The following RTEL1 variants were observed in gnomAD, a reference collection of about 807,000 sequenced individuals.
RTEL1 encodes the protein regulator of telomere length.
RTEL1 carries 86 observed loss-of-function variants against 162.2 expected under a neutral mutation model. The observed-to-expected ratio is 0.53, with a 90% CI of 0.45 to 0.63. The LOEUF is 0.63. Ranked by LOEUF, RTEL1 falls within the 30% of genes least tolerant of loss-of-function variation. The pLI is 0.00. For missense variants in RTEL1, 1,941 were observed against 1,750.2 expected, an observed-to-expected ratio of 1.11 and a Z score of -1.95; for synonymous variants, 958 against 717.9, an observed-to-expected ratio of 1.33 and a Z score of -5.35.
rs2297432 is a variant in RTEL1 at position 63,659,310 on chromosome 20, C to T, written c.-93C>T. ...GCTCGCATCGCTTACCAGGAGTGCC[C>T]GAGACCCTAAGATGTTCGGAGTGGT... On this transcript the variant is annotated 5_prime_UTR_variant, in exon 2 of 35. An upstream open reading frame in the 5' UTR gains an earlier in-frame stop. Transcript: ENST00000360203. The T allele has an allele frequency of 0.54, 452,770 of 835,946 alleles. 128,547 individuals are homozygous for T. The highest frequency in any genetic ancestry group is 0.59 in the African/African-American group (35,238 of 60,074). 51.8% of individuals were successfully genotyped at this position (835,946 alleles called of 1,614,324 possible). A position where few individuals can be genotyped will look rare whatever the true frequency, so the allele number is the denominator to read the frequency against.
At position 63,661,544 on chromosome 20, in the gene RTEL1, G is replaced by T; in HGVS notation, c.301+48G>T. 2 of 1,563,952 alleles carry T rather than the reference G, an allele frequency of 1.3e-6. No homozygotes were observed. The highest frequency in any genetic ancestry group is 1.7e-4 in the Middle Eastern group (1 of 5,960). On this transcript the variant is annotated intron_variant, in intron 3 of 34. Coordinates refer to ENST00000360203, the MANE Select transcript of RTEL1 (RefSeq NM_001283009.2). This position sits in a 1 kb window ranked among gnomAD's most constrained non-coding sequence, Gnocchi z 5.1. ...TCCTGGCCTCCTGTGGGGATGGTTG[G>T]CAAGGGATGGCGCTGAGGGTGGGGT...
intron 6 of RTEL1, among the ~76,000 whole-genome samples, chr20:63,665,730 C>T (rs925280915): frequency 2.0e-5 from 3 of 152,250 alleles, no homozygotes; most frequent in Non-Finnish European, 1.5e-5. Context: ...GGAGAGGATG[C>T]GTAGAACCCT....
rs1332568011 is a variant in RTEL1, at chr20:63,695,940, C to A, written c.*82C>A. On this transcript the variant is annotated 3_prime_UTR_variant, in exon 35 of 35. Coordinates refer to ENST00000360203, the MANE Select transcript of RTEL1 (RefSeq NM_001283009.2). ...TCTGGTGGGCCAAGAACCCACCCAA[C>A]AGAATAGGCCAGCCCATGCCAGCCG... 3 of 1,361,910 alleles carry A rather than the reference C, an allele frequency of 2.2e-6. No individual in the cohort carries two copies. Among genetic ancestry groups the A allele is most frequent in the Admixed American group, 2.1e-5 (1 of 48,104 alleles). The allele number at this position is 1,361,910 out of a possible 1,614,324, so 84.4% of individuals were successfully genotyped here.
rs762344834 is a variant in RTEL1 at position 63,695,538 on chromosome 20, C to T, written c.3710C>T (p.Pro1237Leu). Residue 1237 changes from proline (P) to leucine (L), a missense_variant, in exon 34 of 35, where the codon CCC (proline) becomes CTC (leucine). Transcript: ENST00000360203. Reference protein sequence around the residue: ...GQQATGAPGGPLSAGCVCQGC... With the variant: ...GQQATGAPGGLLSAGCVCQGC... ...CAGGCCACGGGAGCTCCGGGCGGGC[C>T]CCTCTCAGCAGGCTGTGTGTGCCAG... The T allele has an allele frequency of 3.7e-6, 6 of 1,612,324 alleles. No individual in the cohort carries two copies. The highest frequency in any genetic ancestry group is 5.1e-6 in the Non-Finnish European group (6 of 1,179,840).
intron 7 of RTEL1, among the ~76,000 whole-genome samples, chr20:63,666,461 G>A (rs1004766973): frequency 2.0e-4 from 30 of 152,352 alleles, no homozygotes; most frequent in African/African-American, 7.0e-4. Context: ...GACAGCAGAT[G>A]TCTCCTATGT....
intron 14 of RTEL1, among the ~76,000 whole-genome samples, 195 bp from the exon 15 acceptor site, chr20:63,685,328 C>T (rs948863855): frequency 2.0e-5 from 3 of 152,152 alleles, no homozygotes; most frequent in East Asian, 1.9e-4. Context: ...CAGAGCTCAC[C>T]GGGGGTCCCT....
chr20:63,685,729 G>A, intron 15 of RTEL1, 62 bp from the exon 16 acceptor site: 1 of 1,588,754 alleles, frequency 6.3e-7, no homozygotes, highest in Non-Finnish European at 8.6e-7. Flanking sequence ...GGTCCTAAAA[G>A]GTAAGGGGCT....
intron 2 of RTEL1, among the ~76,000 whole-genome samples, chr20:63,660,220 A>G (rs1405921731): frequency 6.6e-6 from 1 of 152,222 alleles, no homozygotes; most frequent in Admixed American, 6.5e-5. Context: ...CTCGACTGCA[A>G]GAGGCTTTCC....
Position 63,661,126 on chromosome 20 carries a change from G to C in RTEL1, c.103-172G>C, listed in dbSNP as rs1199233254. On this transcript the variant is annotated intron_variant, in intron 2 of 34. Transcript: ENST00000360203. The surrounding 1 kb of genome is among the most constrained non-coding windows in gnomAD (Gnocchi z 5.1). ...TTGCTTCACGCCCTTTAGGGCAAGA[G>C]TGGGACTTGCCTGTGGACTTCTCCG... Among the ~76,000 whole-genome samples, 1 of 152,274 alleles carries C rather than the reference G, an allele frequency of 6.6e-6. No individual in the cohort carries two copies. Among genetic ancestry groups the C allele is most frequent in the African/African-American group, 2.4e-5 (1 of 41,476 alleles).
chr20:63,695,299 C>G (rs568983942), intron 33 of RTEL1, 29 bp from the exon 34 acceptor site: 39 of 1,582,494 alleles, frequency 2.5e-5, no homozygotes, highest in Non-Finnish European at 3.2e-5. Flanking sequence ...AGCCCCAGGC[C>G]CCCCTCAGAC....
chr20:63,680,545 A>G (rs1486631299), intron 13 of RTEL1, 119 bp from the exon 14 acceptor site: 23 of 1,076,250 alleles, frequency 2.1e-5, no homozygotes, highest in African/African-American at 4.7e-5. Flanking sequence ...TGGGCCCCCC[A>G]TTGGGCAGGA....
chr20:63,660,464 T>C (rs2089996956), intron 2 of RTEL1, among the ~76,000 whole-genome samples: 1 of 152,196 alleles, frequency 6.6e-6, no homozygotes, highest in South Asian at 2.1e-4. Context: ...GTAAACATAT[T>C]GTTAACAAGG....
chr20:63,696,210 G>A lies in RTEL1; in HGVS notation c.*352G>A, dbSNP rs2090977304. ...GGCACGTGTCCACTTTTAATCAGGG[G>A]ACAGGGCTCTCTAATAAAGCTGCTG... is the stretch of plus-strand genomic sequence containing the variant. On this transcript the variant is annotated 3_prime_UTR_variant, in exon 35 of 35. Transcript: ENST00000360203. 5.1e-6 allele frequency: 2 copies of A among 388,670 alleles called. No homozygotes were observed. Among genetic ancestry groups the A allele is most frequent in the Non-Finnish European group, 9.4e-6 (2 of 213,612 alleles). The allele number at this position is 388,670 out of a possible 1,614,324, so 24.1% of individuals were successfully genotyped here.
chr20:63,695,416 C>A lies in RTEL1; in HGVS notation c.3588C>A (p.Gly1196=). The A allele has an allele frequency of 6.4e-7, 1 of 1,561,744 alleles. No individual in the cohort carries two copies. ...RQRPAGTVGA[G]GEDAGPSQSS... Reference sequence around the variant, plus strand: ...GGCCAGCAGGGACTGTGGGGGCGGGCGGTGAGGATGCAGGTCCCAGCCAGT... The same window carrying A: ...GGCCAGCAGGGACTGTGGGGGCGGGAGGTGAGGATGCAGGTCCCAGCCAGT... The change falls in exon 34 of 35, where the codon GGC becomes GGA. Residue 1196 remains glycine (G), a synonymous_variant. Coordinates refer to ENST00000360203, the MANE Select transcript of RTEL1 (RefSeq NM_001283009.2).
Position 63,685,788 on chromosome 20 carries a change from C to A in RTEL1, c.1267-3C>A. ...TCCACACTCCTGGTCCTGTCCCCTC[C>A]AGGTGCACATCCATCCTGATGCTGG... On this transcript the variant is annotated splice_polypyrimidine_tract_variant and splice_region_variant and intron_variant, in intron 15 of 34. Transcript: ENST00000360203. The A allele has an allele frequency of 6.2e-7, 1 of 1,611,720 alleles. No individual in the cohort carries two copies. Among genetic ancestry groups the A allele is most frequent in the Non-Finnish European group, 8.5e-7 (1 of 1,179,536 alleles).
chr20:63,659,577 C>T, intron 2 of RTEL1, 73 bp downstream of exon 2: 1 of 1,169,168 alleles, frequency 8.6e-7, no homozygotes, highest in Non-Finnish European at 1.3e-6. Context: ...GCTTCCCTCT[C>T]CCGGCCCATT....
rs374401456 is a variant in RTEL1, at chr20:63,661,779, G to A, written c.302-71G>A. ...GTCTGCAGGGCCGAGTTAGCCGAAT[G>A]CCACCTGCCTTTGATACGTGAGAAC... On this transcript the variant is annotated intron_variant, in intron 3 of 34. Coordinates refer to ENST00000360203, the MANE Select transcript of RTEL1 (RefSeq NM_001283009.2). The surrounding 1 kb of genome is among the most constrained non-coding windows in gnomAD (Gnocchi z 5.1). 3 of 1,367,756 alleles carry A rather than the reference G, an allele frequency of 2.2e-6. No individual in the cohort carries two copies. 84.7% of individuals were successfully genotyped at this position (1,367,756 alleles called of 1,614,324 possible).
rs766857757 is a variant in RTEL1, at chr20:63,680,716, C to A, written c.1188C>A (p.Ile396=). Residue 396 remains isoleucine, a synonymous_variant, in exon 14 of 35, where the codon ATC becomes ATA. Coordinates refer to ENST00000360203, the MANE Select transcript of RTEL1 (RefSeq NM_001283009.2). Reference sequence around the variant, plus strand: ...GACTGCAGAAGCTGGCGGACATTATCCAGGTGGGGCCTGCTCCTCTGTGGC... The same window carrying A: ...GACTGCAGAAGCTGGCGGACATTATACAGGTGGGGCCTGCTCCTCTGTGGC... ...TAGLQKLADI[I]QIVFSVDPSE... 10 of 1,613,232 alleles carry A rather than the reference C, an allele frequency of 6.2e-6. No homozygotes were observed. The highest frequency in any genetic ancestry group is 8.5e-6 in the Non-Finnish European group (10 of 1,179,978).
chr20:63,692,888 T>A lies in RTEL1; in HGVS notation c.2736T>A (p.Phe912Leu). The A allele has an allele frequency of 6.2e-7, 1 of 1,612,634 alleles. No individual in the cohort carries two copies. Among genetic ancestry groups the A allele is most frequent in the Non-Finnish European group, 8.5e-7 (1 of 1,179,864 alleles). ...AVKQELSQAN[F>L]ATFTQALQDY... is the part of the protein sequence containing the mutation. ...AGCAGGAGTTGAGCCAAGCCAACTT[T>A]GCCACCTTCACCCAGGCCCTGCAGG... is the stretch of plus-strand genomic sequence containing the variant. Residue 912 changes from phenylalanine (F) to leucine (L), a missense_variant, in exon 29 of 35, where the codon TTT becomes TTA. By Grantham distance (22) the Phe-to-Leu change is conservative. Transcript: ENST00000360203.
Sources: allele counts gnomAD v4.1 joint callset (sites outside exome capture counted in the v4.1 genomes callset), GRCh38; gene constraint gnomAD v4.1.1; non-coding constraint Gnocchi (gnomAD v3.1); transcripts MANE v1.5; gene names NCBI Gene and HGNC (gene_info 2026-07-23, HGNC 2026-07-21).